MAST4: variants seen among roughly 807,000 people sequenced by gnomAD.
MAST4 encodes microtubule-associated serine/threonine-protein kinase 4.
Under a neutral mutation model 162.7 loss-of-function variants are expected in MAST4, and 89 were observed. The observed-to-expected ratio is 0.55, with a 90% CI of 0.46 to 0.65. The LOEUF (loss-of-function observed/expected upper bound fraction) is 0.65. Ranked by LOEUF, MAST4 falls within the 30% of genes least tolerant of loss-of-function variation. The pLI is 0.00. For synonymous variants in MAST4, 1,479 were observed against 1,361.1 expected, an observed-to-expected ratio of 1.09 and a Z score of -1.91; for missense variants, 3,153 against 3,374.0, an observed-to-expected ratio of 0.93 and a Z score of 1.62.
At chr5:66,657,760 G>A (rs1270049788) in intron 1 of MAST4, among the ~76,000 whole-genome samples, 1 of 152,144 alleles carries the variant, frequency 6.6e-6, no homozygotes, top group Non-Finnish European at 1.5e-5. Context: ...CCATGAAGAT[G>A]ACTGGAGAAT....
At chr5:67,109,929 G>A (rs947069109) in intron 10 of MAST4, among the ~76,000 whole-genome samples, 169 bp from the exon 11 acceptor site, 1 of 152,196 alleles carries the variant, frequency 6.6e-6, no homozygotes, top group Non-Finnish European at 1.5e-5. Context: ...GCGTTTAATA[G>A]TGTCCATTTA....
chr5:66,825,671 C>G (rs1014421306), intron 3 of MAST4, among the ~76,000 whole-genome samples: 5 of 151,918 alleles, frequency 3.3e-5, no homozygotes, highest in Non-Finnish European at 5.9e-5. Flanking sequence ...TTAAATTTGA[C>G]CTTTATTACA....
chr5:66,953,453 A>G (rs1158022735), intron 4 of MAST4, among the ~76,000 whole-genome samples: 1 of 152,048 alleles, frequency 6.6e-6, no homozygotes, highest in Non-Finnish European at 1.5e-5. Context: ...TGTAGTTTGG[A>G]TCATATTGCT....
At chr5:66,991,287 C>G (rs1382151163) in intron 4 of MAST4, among the ~76,000 whole-genome samples, 1 of 152,068 alleles carries the variant, frequency 6.6e-6, no homozygotes, top group Non-Finnish European at 1.5e-5. Flanking sequence ...AAAAAAGAAC[C>G]AAGAGTTCTT....
intron 3 of MAST4, among the ~76,000 whole-genome samples, chr5:66,806,820 T>C (rs1756211798): frequency 6.6e-6 from 1 of 152,308 alleles, no homozygotes; most frequent in South Asian, 2.1e-4. Flanking sequence ...TTCCCCAAGA[T>C]GCCAGTCTTG....
intron 1 of MAST4, among the ~76,000 whole-genome samples, chr5:66,605,038 A>C (rs1042156135): frequency 1.3e-5 from 2 of 152,246 alleles, no homozygotes; most frequent in African/African-American, 4.8e-5. Context: ...TTTGTGTATA[A>C]AAGTTCAACA....
chr5:67,145,157 A>G lies in MAST4; in HGVS notation c.2872A>G (p.Thr958Ala). ...CTTTTAATTAAGGCAACAGCTATCAACATCCAACTCTTCAGATACTGAAAG... is the reference window on the plus strand; with the variant it reads ...CTTTTAATTAAGGCAACAGCTATCAGCATCCAACTCTTCAGATACTGAAAG... ...SEYSEMQQLS[T>A]SNSSDTESNR... The change falls in exon 23 of 29, where the codon ACA becomes GCA. Residue 958 changes from threonine to alanine, a missense_variant. Thr to Ala is a moderately conservative substitution (Grantham distance 58). Coordinates refer to ENST00000403625, the MANE Select transcript of MAST4 (RefSeq NM_001164664.2). 1 of 1,609,786 alleles carries G rather than the reference A, an allele frequency of 6.2e-7. No individual in the cohort carries two copies. Among genetic ancestry groups the G allele is most frequent in the Admixed American group, 1.7e-5 (1 of 59,450 alleles).
intron 2 of MAST4, among the ~76,000 whole-genome samples, chr5:66,765,628 A>G (rs114684401): frequency 0.014 from 2,112 of 152,298 alleles, 53 homozygotes; most frequent in African/African-American, 0.048. Context: ...TTCTTAAAAA[A>G]AATCTTTTAC....
intron 1 of MAST4, among the ~76,000 whole-genome samples, chr5:66,636,346 G>A (rs1241652439): frequency 6.6e-6 from 1 of 152,116 alleles, no homozygotes; most frequent in Non-Finnish European, 1.5e-5. Context: ...TTAGGAGATG[G>A]CAATGTAACA....
At chr5:66,898,824 G>A (rs2149974227) in intron 3 of MAST4, among the ~76,000 whole-genome samples, 1 of 152,328 alleles carries the variant, frequency 6.6e-6, no homozygotes, top group Non-Finnish European at 1.5e-5. Flanking sequence ...CAGCCACAGA[G>A]CTCTCCTCCC....
intron 2 of MAST4, among the ~76,000 whole-genome samples, chr5:66,764,411 G>C (rs781080676): frequency 2.0e-5 from 3 of 152,176 alleles, no homozygotes; most frequent in African/African-American, 4.8e-5. Context: ...CAGAGACAAG[G>C]GGTAGAAGCA....
At chr5:67,056,464 G>A (rs190214141) in intron 5 of MAST4, among the ~76,000 whole-genome samples, 1 of 152,228 alleles carries the variant, frequency 6.6e-6, no homozygotes, top group East Asian at 1.9e-4. Flanking sequence ...CCTCTTTATA[G>A]TATTTATAGC....
chr5:66,945,998 G>T (rs189028734), intron 4 of MAST4, among the ~76,000 whole-genome samples: 29 of 152,200 alleles, frequency 1.9e-4, no homozygotes, highest in Admixed American at 5.2e-4. Context: ...TCAAAATAAC[G>T]CAGCCTCTCT....
At chr5:66,612,742 C>T (rs576850083) in intron 1 of MAST4, among the ~76,000 whole-genome samples, 1 of 152,122 alleles carries the variant, frequency 6.6e-6, no homozygotes, top group Admixed American at 6.5e-5. Context: ...TTCCATGGTG[C>T]CTTGACGATT....
At position 67,051,308 on chromosome 5, in the gene MAST4, G is replaced by A. The variant is rs370342637; in HGVS notation, c.675-3096G>A. Among the ~76,000 whole-genome samples, 7 of 152,182 alleles carry A rather than the reference G, an allele frequency of 4.6e-5. No homozygotes were observed. The East Asian group carries it at 1.4e-3, about 29-fold the overall frequency. On this transcript the variant is annotated intron_variant, in intron 4 of 28. Transcript: ENST00000403625. Reference sequence around the variant, plus strand: ...TTAATGGGTTAAATGAGTAGGTGTGGCCATGAACACCTGGAGAGACTGCCT... The same window carrying A: ...TTAATGGGTTAAATGAGTAGGTGTGACCATGAACACCTGGAGAGACTGCCT...
chr5:67,047,203 T>C (rs993345087), intron 4 of MAST4, among the ~76,000 whole-genome samples: 1 of 152,202 alleles, frequency 6.6e-6, no homozygotes, highest in Non-Finnish European at 1.5e-5. Flanking sequence ...GCCAGAATGA[T>C]TCTCTAAAAA....
intron 2 of MAST4, among the ~76,000 whole-genome samples, chr5:66,786,654 A>G (rs1755131705): frequency 1.3e-5 from 2 of 152,144 alleles, no homozygotes; most frequent in African/African-American, 4.8e-5. Flanking sequence ...CTCATTAATT[A>G]CCTGCCTTTG....
At chr5:66,784,547 C>T (rs1394531770) in intron 2 of MAST4, among the ~76,000 whole-genome samples, 1 of 152,194 alleles carries the variant, frequency 6.6e-6, no homozygotes, top group African/African-American at 2.4e-5. Context: ...CCATACTCCT[C>T]CCTGCACCCA....
chr5:66,829,939 C>T (rs1757491030), intron 3 of MAST4, among the ~76,000 whole-genome samples: 1 of 152,052 alleles, frequency 6.6e-6, no homozygotes, highest in Non-Finnish European at 1.5e-5. Context: ...ATTGTTCAAA[C>T]CTAAGTAAAC....
Sources: gnomAD v4.1 joint callset for allele counts (sites outside exome capture counted in the v4.1 genomes callset) on GRCh38, gnomAD v4.1.1 for gene constraint, MANE v1.5 for transcripts, NCBI Gene and HGNC (gene_info 2026-07-23, HGNC 2026-07-21) for gene names.